PCDHA9: variants seen among roughly 807,000 people sequenced by gnomAD.
PCDHA9 encodes the protein protocadherin alpha-9.
Under a neutral mutation model 62.0 loss-of-function variants are expected in PCDHA9, and 62 were observed. The observed-to-expected ratio is 1.00, with a 90% CI of 0.81 to 1.23. PCDHA9 has a LOEUF of 1.23. PCDHA9 is among the 50% of genes most tolerant of loss of function. The pLI is 0.00. For missense variants in PCDHA9, 1,205 were observed against 1,249.8 expected (o/e 0.96, Z 0.54); for synonymous variants, 557 against 567.6 (o/e 0.98, Z 0.27).
Position 140,927,842 on chromosome 5 carries a change from T to C in PCDHA9, c.2395-51107T>C, listed in dbSNP as rs201721848. 1.9e-6 allele frequency: 3 copies of C among 1,614,140 alleles called. No individual in the cohort carries two copies. The African/African-American group carries it at 4.0e-5, about 22-fold the overall frequency. On this transcript the variant is annotated intron_variant, in intron 1 of 3. Transcript: ENST00000532602. ...TACATTGAGGCGAGGGACGAAGGTG[T>C]CTTTGGTTTAGCTAGCACCGCTAAA... is the stretch of plus-strand genomic sequence containing the variant.
chr5:140,966,279 G>A, intron 1 of PCDHA9: 1 of 364,628 alleles, frequency 2.7e-6, no homozygotes, highest in Non-Finnish European at 4.9e-6. Flanking sequence ...ACTGGACAGT[G>A]GGGGTAGGGA....
At chr5:140,883,630 G>T (rs1424400219) in intron 1 of PCDHA9, 8 of 1,613,966 alleles carry the variant, frequency 5.0e-6, no homozygotes, top group Non-Finnish European at 6.8e-6. Context: ...ACGCGCCGGC[G>T]TTCGCGCAGC....
At chr5:140,854,994 G>A (rs1261400565) in intron 1 of PCDHA9, among the ~76,000 whole-genome samples, 3 of 149,538 alleles carry the variant, frequency 2.0e-5, no homozygotes, top group Non-Finnish European at 4.5e-5. Context: ...CTTTTTGCCC[G>A]TGTAAGATAT....
chr5:140,905,086 G>A (rs1454643340), intron 1 of PCDHA9, among the ~76,000 whole-genome samples: 1 of 152,056 alleles, frequency 6.6e-6, no homozygotes, highest in Non-Finnish European at 1.5e-5. Flanking sequence ...CTTTCTTTTG[G>A]GTTCTCAGTC....
chr5:140,929,143 T>C (rs2085863317), intron 1 of PCDHA9: 1 of 1,614,234 alleles, frequency 6.2e-7, no homozygotes, highest in Non-Finnish European at 8.5e-7. Context: ...TGAGAGACTT[T>C]CTCAGACTTA....
chr5:140,862,992 C>T (rs781974665), intron 1 of PCDHA9: 29 of 548,250 alleles, frequency 5.3e-5, no homozygotes, highest in South Asian at 3.7e-4. Context: ...AAGGTGCGCA[C>T]GGTGGACTCC....
At chr5:140,872,573 C>T (rs1400699707) in intron 1 of PCDHA9, among the ~76,000 whole-genome samples, 1 of 152,068 alleles carries the variant, frequency 6.6e-6, no homozygotes, top group African/African-American at 2.4e-5. Flanking sequence ...GCTGCAGTGA[C>T]CTATCATCGT....
At chr5:140,968,474 G>A (rs1394773296) in intron 1 of PCDHA9, 2 of 1,614,110 alleles carry the variant, frequency 1.2e-6, no homozygotes, top group Non-Finnish European at 1.7e-6. Flanking sequence ...CGTATATGTG[G>A]TGGACATGAA....
intron 1 of PCDHA9, chr5:140,875,973 T>C (rs782725100): frequency 6.2e-7 from 1 of 1,614,042 alleles, no homozygotes; most frequent in Non-Finnish European, 8.5e-7. Context: ...TAAACTCTCT[T>C]TTGACCTATG....
At chr5:140,874,625 T>C (rs1342932675) in intron 1 of PCDHA9, among the ~76,000 whole-genome samples, 3 of 152,238 alleles carry the variant, frequency 2.0e-5, no homozygotes, top group Admixed American at 6.5e-5. Flanking sequence ...ACATTTTACA[T>C]TAAAGTGCTT....
rs1029317869 is a variant in PCDHA9 at position 140,928,735 on chromosome 5, A to G, written c.2395-50214A>G. ...TAGTCTCTTTAGAATTTCAGCCAAT[A>G]TAGGTGAGCTCCGTACTGCTCGCTT... On this transcript the variant is annotated intron_variant, in intron 1 of 3. Coordinates refer to ENST00000532602, the MANE Select transcript of PCDHA9 (RefSeq NM_031857.2). 35 of 1,614,082 alleles carry G rather than the reference A, an allele frequency of 2.2e-5. No individual in the cohort carries two copies. The highest frequency in any genetic ancestry group is 2.9e-5 in the Non-Finnish European group (34 of 1,180,020).
intron 3 of PCDHA9, among the ~76,000 whole-genome samples, chr5:140,995,133 T>C (rs1397108502): frequency 6.6e-6 from 1 of 152,230 alleles, no homozygotes; most frequent in Non-Finnish European, 1.5e-5. Flanking sequence ...TGAAACCTCA[T>C]TTAGTACTGA....
intron 1 of PCDHA9, chr5:140,860,410 A>T (rs2046380485): frequency 6.6e-6 from 1 of 152,082 alleles, no homozygotes; most frequent in Non-Finnish European, 1.5e-5. Context: ...AGCAATAGTA[A>T]CACCATTATC....
chr5:140,928,185 C>T (rs371901224), intron 1 of PCDHA9: 1 of 1,614,064 alleles, frequency 6.2e-7, no homozygotes, highest in Non-Finnish European at 8.5e-7. Flanking sequence ...GAAGGACAAT[C>T]ACTGTGTCAG....
intron 1 of PCDHA9, among the ~76,000 whole-genome samples, chr5:140,872,037 G>T (rs1554166004): frequency 1.3e-5 from 2 of 152,238 alleles, no homozygotes; most frequent in African/African-American, 2.4e-5. Context: ...TAAGCTCAAA[G>T]AATTCTCCCA....
chr5:140,864,096 T>A (rs1459291547), intron 1 of PCDHA9: 1 of 152,388 alleles, frequency 6.6e-6, no homozygotes, highest in South Asian at 2.1e-4. Context: ...TTGATAAGTA[T>A]AATGATAATA....
At chr5:140,922,369 G>A (rs534587109) in intron 1 of PCDHA9, among the ~76,000 whole-genome samples, 1 of 152,320 alleles carries the variant, frequency 6.6e-6, no homozygotes, top group East Asian at 1.9e-4. Context: ...TTCTCACTGA[G>A]ATGCAAAACC....
intron 1 of PCDHA9, among the ~76,000 whole-genome samples, chr5:140,910,210 G>A (rs987095100): frequency 6.6e-6 from 1 of 152,120 alleles, no homozygotes; most frequent in Non-Finnish European, 1.5e-5. Context: ...ACTTGACCTG[G>A]AAGTTTTCTG....
chr5:140,883,859 T>C (rs1554180306), intron 1 of PCDHA9: 12 of 1,613,116 alleles, frequency 7.4e-6, no homozygotes, highest in East Asian at 2.2e-5. Context: ...GCTGGAGCTG[T>C]TGCAGTTCCA....
Sources: allele counts gnomAD v4.1 joint callset (sites outside exome capture counted in the v4.1 genomes callset), GRCh38; gene constraint gnomAD v4.1.1; transcripts MANE v1.5; gene names NCBI Gene and HGNC (gene_info 2026-07-23, HGNC 2026-07-21).